The following ARID4B variants were observed in gnomAD, a reference collection of about 807,000 sequenced individuals.
The protein encoded by ARID4B is AT-rich interaction domain 4B.
ARID4B carries 26 observed loss-of-function variants against 147.5 expected under a neutral mutation model. The ratio of observed to expected loss-of-function variants is 0.18; its 90% CI spans 0.13 to 0.24. The LOEUF (loss-of-function observed/expected upper bound fraction) is 0.24. Among genes scored for constraint, ARID4B ranks in the 10% least tolerant of loss-of-function variants. ARID4B has a pLI of 1.00. For synonymous variants in ARID4B, 512 were observed against 507.9 expected, an observed-to-expected ratio of 1.01 and a Z score of -0.11; for missense variants, 1,179 against 1,511.5, an observed-to-expected ratio of 0.78 and a Z score of 3.65.
At chr1:235,309,135 T>C (rs1673818592) in intron 2 of ARID4B, among the ~76,000 whole-genome samples, 4 of 144,302 alleles carry the variant, frequency 2.8e-5, no homozygotes, top group Admixed American at 6.9e-5. Flanking sequence ...CCGCCCCGTC[T>C]GGGATGTGAG....
intron 2 of ARID4B, among the ~76,000 whole-genome samples, chr1:235,306,425 C>T (rs1015328534): frequency 6.6e-6 from 1 of 150,860 alleles, no homozygotes; most frequent in African/African-American, 2.4e-5. Flanking sequence ...ATCACTTGAA[C>T]ATGGAAGGCA....
chr1:235,204,227 C>T (rs1334183757), intron 17 of ARID4B, among the ~76,000 whole-genome samples: 1 of 152,096 alleles, frequency 6.6e-6, no homozygotes, highest in Non-Finnish European at 1.5e-5. Context: ...GAGGCTGAGG[C>T]AGGAGAATTG....
chr1:235,289,829 T>C (rs1434765156), intron 2 of ARID4B, among the ~76,000 whole-genome samples: 1 of 151,648 alleles, frequency 6.6e-6, no homozygotes, highest in Non-Finnish European at 1.5e-5. Flanking sequence ...CTTGAAAAGA[T>C]GCTCATACTC....
At chr1:235,203,299 G>A (rs1274801394) in intron 17 of ARID4B, among the ~76,000 whole-genome samples, 1 of 152,072 alleles carries the variant, frequency 6.6e-6, no homozygotes. Flanking sequence ...TAGTCGACCA[G>A]ATATACTACC....
At chr1:235,176,913 A>T (rs1163548512) in intron 21 of ARID4B, 1 of 471,188 alleles carries the variant, frequency 2.1e-6, no homozygotes, top group East Asian at 6.9e-5. Context: ...CCTGAAAAAA[A>T]ATTCTTTACA....
In ARID4B at chr1:235,193,194, C is replaced by T. The variant is rs1029824007; in HGVS notation, c.2125+819G>A. Among the ~76,000 whole-genome samples, 110 of 152,132 alleles carry T rather than the reference C, an allele frequency of 7.2e-4. 1 individual carries two copies. Among genetic ancestry groups the T allele is most frequent in the Non-Finnish European group, 3.4e-4 (23 of 67,992 alleles). On this transcript the variant is annotated intron_variant, in intron 19 of 23. Transcript: ENST00000264183. ...GGCCAATTGCTTGAGCCTAGGAGCT[C>T]GAGACGAGCCTGGTCAACAGGGCAA...
intron 2 of ARID4B, among the ~76,000 whole-genome samples, chr1:235,288,420 C>T (rs989025799): frequency 2.0e-5 from 3 of 152,160 alleles, no homozygotes; most frequent in Admixed American, 2.0e-4. Context: ...CTTACATACA[C>T]GTACATGTAT....
intron 10 of ARID4B, 21 bp downstream of exon 10, chr1:235,231,092 T>G: frequency 6.6e-7 from 1 of 1,511,464 alleles, no homozygotes; most frequent in Non-Finnish European, 9.0e-7. Context: ...TACTTGTAAT[T>G]TATTCCAAGA....
intron 2 of ARID4B, among the ~76,000 whole-genome samples, chr1:235,300,943 T>C (rs1419650152): frequency 6.6e-6 from 1 of 151,980 alleles, no homozygotes; most frequent in Non-Finnish European, 1.5e-5. Context: ...TCTCAATCTC[T>C]TGACCTCATG....
chr1:235,239,624 G>A (rs780944011), intron 8 of ARID4B, among the ~76,000 whole-genome samples: 1 of 152,094 alleles, frequency 6.6e-6, no homozygotes, highest in Non-Finnish European at 1.5e-5. Context: ...GAGATAAAAA[G>A]CTCAAAAGGC....
At chr1:235,201,645 T>A (rs996114957) in intron 17 of ARID4B, among the ~76,000 whole-genome samples, 7 of 152,120 alleles carry the variant, frequency 4.6e-5, no homozygotes, top group African/African-American at 1.2e-4. Flanking sequence ...TCTTAGTAAG[T>A]AAGTTAAATA....
intron 2 of ARID4B, among the ~76,000 whole-genome samples, chr1:235,280,756 C>T (rs769332397): frequency 3.3e-5 from 5 of 152,180 alleles, no homozygotes; most frequent in Non-Finnish European, 7.3e-5. Flanking sequence ...CCTAGGGAGT[C>T]GCCAGGCTTC....
At chr1:235,183,491 A>G (rs1010952730) in intron 19 of ARID4B, among the ~76,000 whole-genome samples, 7 of 152,136 alleles carry the variant, frequency 4.6e-5, no homozygotes, top group African/African-American at 1.4e-4. Flanking sequence ...TACAGGCGTG[A>G]GCCACCACGC....
At chr1:235,326,419 T>C (rs1473047491) in intron 2 of ARID4B, among the ~76,000 whole-genome samples, 1 of 152,182 alleles carries the variant, frequency 6.6e-6, no homozygotes, top group Non-Finnish European at 1.5e-5. Flanking sequence ...AAGAAACAAC[T>C]GGTATCTCTG....
At chr1:235,239,069 G>A (rs906746210) in intron 8 of ARID4B, among the ~76,000 whole-genome samples, 33 of 149,510 alleles carry the variant, frequency 2.2e-4, no homozygotes, top group African/African-American at 6.9e-4. Flanking sequence ...TGCAACCTCC[G>A]CCTCCTGGGT....
chr1:235,168,706 T>C (rs1020636403), intron 23 of ARID4B, 54 bp from the exon 24 acceptor site: 30 of 1,569,190 alleles, frequency 1.9e-5, no homozygotes, highest in African/African-American at 9.6e-5. Context: ...TGTCTAACAA[T>C]AGACAGAAAA....
chr1:235,240,826 C>A (rs1041877175), intron 7 of ARID4B, among the ~76,000 whole-genome samples: 1 of 152,066 alleles, frequency 6.6e-6, no homozygotes, highest in Non-Finnish European at 1.5e-5. Flanking sequence ...GACAGTAATT[C>A]TATATCTCCA....
chr1:235,216,231 A>G (rs1667066830), intron 16 of ARID4B, among the ~76,000 whole-genome samples: 2 of 152,068 alleles, frequency 1.3e-5, no homozygotes, highest in East Asian at 3.8e-4. Context: ...AGACTCAGTT[A>G]CAGTCAAATA....
chr1:235,253,831 T>C (rs771255159), intron 5 of ARID4B, among the ~76,000 whole-genome samples: 2 of 152,180 alleles, frequency 1.3e-5, no homozygotes, highest in African/African-American at 2.4e-5. Context: ...AGAAATTACA[T>C]TTTCTGCCTA....
Sources: gnomAD v4.1 joint callset for allele counts (sites outside exome capture counted in the v4.1 genomes callset) on GRCh38, gnomAD v4.1.1 for gene constraint, MANE v1.5 for transcripts, NCBI Gene and HGNC (gene_info 2026-07-23, HGNC 2026-07-21) for gene names.